SEMA5A: variants seen among roughly 807,000 people sequenced by gnomAD.
SEMA5A encodes the protein semaphorin-5A.
Under a neutral mutation model 135.5 loss-of-function variants are expected in SEMA5A, and 55 were observed. That is an observed-to-expected ratio of 0.41 (90% confidence interval 0.33 to 0.51). The LOEUF (loss-of-function observed/expected upper bound fraction) is 0.51, where lower values mean the gene tolerates loss of function less well. Ranked by LOEUF, SEMA5A falls within the 20% of genes least tolerant of loss-of-function variation. The pLI, the probability that SEMA5A is intolerant of heterozygous loss-of-function variation, is 0.37. For synonymous variants in SEMA5A, 580 were observed against 546.5 expected, an observed-to-expected ratio of 1.06 and a Z score of -0.85; for missense variants, 1,290 against 1,419.9, an observed-to-expected ratio of 0.91 and a Z score of 1.47.
At chr5:9,401,289 T>A (rs16882648) in intron 2 of SEMA5A, among the ~76,000 whole-genome samples, 29,822 of 152,098 alleles carry the variant, frequency 0.2, 3,113 homozygotes, top group South Asian at 0.23. Context: ...GTATCACAAG[T>A]GCTTGCATAT....
intron 5 of SEMA5A, among the ~76,000 whole-genome samples, chr5:9,284,999 A>C (rs2150572351): frequency 6.6e-6 from 1 of 152,318 alleles, no homozygotes; most frequent in Middle Eastern, 3.4e-3. Flanking sequence ...CCCAGCAAGA[A>C]AATTCTCACA....
chr5:9,522,005 A>G (rs1046660927), intron 1 of SEMA5A, among the ~76,000 whole-genome samples: 1 of 152,048 alleles, frequency 6.6e-6, no homozygotes, highest in Non-Finnish European at 1.5e-5. Flanking sequence ...GAGGTCCAAG[A>G]CCGTCCTGGG....
chr5:9,253,890 A>G (rs1748925797), intron 5 of SEMA5A, among the ~76,000 whole-genome samples: 1 of 152,186 alleles, frequency 6.6e-6, no homozygotes, highest in African/African-American at 2.4e-5. Context: ...TTACATGAAT[A>G]ACAAACAAAA....
chr5:9,388,526 G>GT (rs1755998992), intron 2 of SEMA5A, among the ~76,000 whole-genome samples: 3 of 151,738 alleles, frequency 2.0e-5, no homozygotes, highest in African/African-American at 7.3e-5. Flanking sequence ...TCAAGGCAAT[G>GT]TAACTACCTT....
At chr5:9,171,031 C>A (rs977360621) in intron 11 of SEMA5A, among the ~76,000 whole-genome samples, 4 of 152,118 alleles carry the variant, frequency 2.6e-5, no homozygotes, top group African/African-American at 7.2e-5. Flanking sequence ...CCTCTGCTAT[C>A]CTCCTGAAAG....
At chr5:9,263,535 C>T (rs565032801) in intron 5 of SEMA5A, among the ~76,000 whole-genome samples, 5 of 152,288 alleles carry the variant, frequency 3.3e-5, no homozygotes, top group South Asian at 2.1e-4. Flanking sequence ...CCCCAATGCT[C>T]GTGGAAAAAT....
At chr5:9,171,691 A>T (rs1414491679) in intron 11 of SEMA5A, among the ~76,000 whole-genome samples, 3 of 152,118 alleles carry the variant, frequency 2.0e-5, no homozygotes, top group Admixed American at 1.3e-4. Flanking sequence ...TGCTTTCCCT[A>T]ACTGGGATGT....
chr5:9,497,266 G>A (rs1325554195), intron 1 of SEMA5A, among the ~76,000 whole-genome samples: 2 of 152,188 alleles, frequency 1.3e-5, no homozygotes, highest in Non-Finnish European at 2.9e-5. Flanking sequence ...CTCAGGAAAA[G>A]CATCACCATT....
intron 1 of SEMA5A, among the ~76,000 whole-genome samples, chr5:9,516,205 A>T (rs1736503938): frequency 6.6e-6 from 1 of 152,104 alleles, no homozygotes; most frequent in African/African-American, 2.4e-5. Context: ...CACATGACAT[A>T]CATACCTCTG....
chr5:9,440,298 G>T (rs2126677902), intron 1 of SEMA5A, among the ~76,000 whole-genome samples: 1 of 152,314 alleles, frequency 6.6e-6, no homozygotes, highest in Admixed American at 6.5e-5. Context: ...AAGCTGAAAG[G>T]CAAAGAAACT....
intron 13 of SEMA5A, among the ~76,000 whole-genome samples, chr5:9,134,935 T>C (rs1426169062): frequency 1.3e-5 from 2 of 152,112 alleles, no homozygotes; most frequent in Non-Finnish European, 2.9e-5. Context: ...ATGACATTTT[T>C]CTAACCATTT....
chr5:9,343,736 G>C (rs1313528453), intron 3 of SEMA5A, among the ~76,000 whole-genome samples: 3 of 152,110 alleles, frequency 2.0e-5, no homozygotes, highest in Non-Finnish European at 4.4e-5. Flanking sequence ...GAGCACGGCA[G>C]GTCTGTGCTG....
intron 1 of SEMA5A, among the ~76,000 whole-genome samples, chr5:9,461,260 G>T (rs1358408348): frequency 6.6e-6 from 1 of 152,170 alleles, no homozygotes; most frequent in Admixed American, 6.5e-5. Flanking sequence ...ATTTGGTTTT[G>T]TTCTCCTCAA....
chr5:9,429,947 G>A (rs1265138518), intron 2 of SEMA5A, among the ~76,000 whole-genome samples: 1 of 152,224 alleles, frequency 6.6e-6, no homozygotes, highest in African/African-American at 2.4e-5. Context: ...GTCACTGTGT[G>A]GAGAAAAGAC....
chr5:9,221,535 C>A (rs1263624216), intron 8 of SEMA5A, among the ~76,000 whole-genome samples: 12 of 152,068 alleles, frequency 7.9e-5, no homozygotes, highest in South Asian at 2.1e-4. Flanking sequence ...ATCTCCTGAC[C>A]TCGTGATCCG....
chr5:9,325,453 T>G (rs554270859), intron 4 of SEMA5A, among the ~76,000 whole-genome samples: 17 of 152,350 alleles, frequency 1.1e-4, no homozygotes, highest in Non-Finnish European at 1.8e-4. Context: ...TGAGTGCGTT[T>G]TCTACGTCTT....
rs146640271 is a variant in SEMA5A, at chr5:9,241,811, G to T, written c.271-3921C>A. Among the ~76,000 whole-genome samples, 385 of 152,190 alleles carry T rather than the reference G, an allele frequency of 2.5e-3. 1 individual carries two copies. Among genetic ancestry groups the T allele is most frequent in the African/African-American group, 8.8e-3 (367 of 41,516 alleles). ...ACATATAAATCCACAGTTCTCAGAAGTATATAAACAAAGCTGTGTATTATC... is the reference window on the plus strand; with the variant it reads ...ACATATAAATCCACAGTTCTCAGAATTATATAAACAAAGCTGTGTATTATC... On this transcript the variant is annotated intron_variant, in intron 5 of 22. Coordinates refer to ENST00000382496, the MANE Select transcript of SEMA5A (RefSeq NM_003966.3).
intron 1 of SEMA5A, among the ~76,000 whole-genome samples, chr5:9,527,673 G>A (rs370035365): frequency 4.2e-4 from 64 of 152,298 alleles, no homozygotes; most frequent in African/African-American, 1.3e-3. Context: ...GCTCACTATG[G>A]AACAGGCAAT....
chr5:9,540,271 G>T (rs1351409290), intron 1 of SEMA5A, among the ~76,000 whole-genome samples: 1 of 152,118 alleles, frequency 6.6e-6, no homozygotes, highest in Non-Finnish European at 1.5e-5. Context: ...AGAAATAAAG[G>T]CAGTGCGTGG....
Sources: gnomAD v4.1 joint callset for allele counts (sites outside exome capture counted in the v4.1 genomes callset) on GRCh38, gnomAD v4.1.1 for gene constraint, MANE v1.5 for transcripts, NCBI Gene and HGNC (gene_info 2026-07-23, HGNC 2026-07-21) for gene names.